The following DNAH9 variants were observed in gnomAD, a reference collection of about 807,000 sequenced individuals.
DNAH9 encodes dynein axonemal heavy chain 9, also known as DNAH9 variant protein.
Under a neutral mutation model 471.6 loss-of-function variants are expected in DNAH9, and 345 were observed. The observed-to-expected ratio is 0.73, with a 90% CI of 0.67 to 0.80. DNAH9 has a LOEUF of 0.80. DNAH9 is among the 30% of genes least tolerant of loss of function. The pLI, the probability that DNAH9 is intolerant of heterozygous loss-of-function variation, is 0.00. For synonymous variants in DNAH9, 2,093 were observed against 2,123.6 expected, an observed-to-expected ratio of 0.99 and a Z score of 0.40; for missense variants, 5,407 against 5,609.2, an observed-to-expected ratio of 0.96 and a Z score of 1.15.
At chr17:11,888,051 C>T (rs548432148) in intron 57 of DNAH9, among the ~76,000 whole-genome samples, 5 of 151,188 alleles carry the variant, frequency 3.3e-5, no homozygotes, top group African/African-American at 4.9e-5. Context: ...GGCGCGATCT[C>T]GGCTTACTGC....
rs1261468935 is a variant in DNAH9 at position 11,883,768 on chromosome 17, A to G, written c.10971+18A>G. The G allele has an allele frequency of 1.9e-6, 3 of 1,609,604 alleles. No individual in the cohort carries two copies. The highest frequency in any genetic ancestry group is 2.5e-6 in the Non-Finnish European group (3 of 1,178,168). ...AGAAAAAGGTAAAACTCCTCTGGCT[A>G]GTCTGGGAAGGCAGCCTAGGCTGGG... On this transcript the variant is annotated intron_variant, in intron 56 of 68. Coordinates refer to ENST00000262442, the MANE Select transcript of DNAH9 (RefSeq NM_001372.4).
At chr17:11,669,343 C>T (rs373794942) in intron 16 of DNAH9, 27 bp from the exon 17 acceptor site, 91 of 1,601,564 alleles carry the variant, frequency 5.7e-5, no homozygotes, top group Non-Finnish European at 7.6e-5. Flanking sequence ...CTGGTGTAAC[C>T]TGCCTGCCGT....
intron 43 of DNAH9, among the ~76,000 whole-genome samples, chr17:11,803,219 G>A (rs938539542): frequency 6.6e-6 from 1 of 151,994 alleles, no homozygotes; most frequent in Non-Finnish European, 1.5e-5. Flanking sequence ...CTTTTCCCCC[G>A]CTTTTGGCAT....
intron 66 of DNAH9, among the ~76,000 whole-genome samples, chr17:11,940,353 C>T (rs1188763125): frequency 8.5e-5 from 13 of 152,200 alleles, no homozygotes; most frequent in East Asian, 3.8e-4. Flanking sequence ...TGTGTCCCCA[C>T]GTCCTGTGTA....
chr17:11,818,804 A>G (rs1970201836), intron 45 of DNAH9, among the ~76,000 whole-genome samples: 1 of 151,914 alleles, frequency 6.6e-6, no homozygotes, highest in African/African-American at 2.4e-5. Context: ...CCTCAGTCTC[A>G]TCTTTTTCAT....
chr17:11,842,231 G>A (rs1194161408), intron 49 of DNAH9, among the ~76,000 whole-genome samples: 1 of 152,108 alleles, frequency 6.6e-6, no homozygotes, highest in Non-Finnish European at 1.5e-5. Flanking sequence ...TATTAATAGT[G>A]GTGTAAGATA....
intron 22 of DNAH9, among the ~76,000 whole-genome samples, chr17:11,698,804 A>C (rs1011302694): frequency 7.3e-5 from 11 of 151,022 alleles, no homozygotes; most frequent in African/African-American, 2.4e-4. Flanking sequence ...CTAGCACTAC[A>C]GCCCCAGGCA....
At chr17:11,683,930 T>C (rs971463608) in intron 19 of DNAH9, among the ~76,000 whole-genome samples, 5 of 152,250 alleles carry the variant, frequency 3.3e-5, no homozygotes, top group African/African-American at 9.6e-5. Flanking sequence ...TCTTAGTGGA[T>C]GTCAACTTAT....
intron 7 of DNAH9, among the ~76,000 whole-genome samples, chr17:11,631,506 G>A (rs1030229911): frequency 3.9e-5 from 6 of 152,122 alleles, no homozygotes; most frequent in East Asian, 1.9e-4. Flanking sequence ...ATAGCTGGGC[G>A]TGGTGGTGCA....
Position 11,745,405 on chromosome 17 carries a change from C to A in DNAH9, c.6399+321C>A, listed in dbSNP as rs1247146543. On this transcript the variant is annotated intron_variant, in intron 31 of 68. Transcript: ENST00000262442. ...GACAGAGGCCAAGATCTGGCCACAT[C>A]TACAGAACCTCCACTCAATCCTACT... Among the ~76,000 whole-genome samples the A allele has an allele frequency of 3.3e-5, 5 of 152,166 alleles. No homozygotes were observed. In the East Asian group the frequency reaches 9.7e-4, roughly 29 times the overall value.
intron 41 of DNAH9, among the ~76,000 whole-genome samples, chr17:11,788,604 A>G (rs1968955421): frequency 6.6e-6 from 1 of 152,200 alleles, no homozygotes; most frequent in South Asian, 2.1e-4. Context: ...TATAAATAGT[A>G]TAGCCAATAT....
rs536346387 is a variant in DNAH9, at chr17:11,706,060, G to A, written c.5552+875G>A. Among the ~76,000 whole-genome samples, 7 of 152,182 alleles carry A rather than the reference G, an allele frequency of 4.6e-5. No homozygotes were observed. In the South Asian group the frequency reaches 8.3e-4, roughly 18 times the overall value. ...AAGAACTCTTAAGTAAGTGAATAAT[G>A]TATTTTGCTTTCCAGGCATATTTAT... is the stretch of plus-strand genomic sequence containing the variant. On this transcript the variant is annotated intron_variant, in intron 26 of 68. Transcript: ENST00000262442.
At chr17:11,606,269 C>T (rs946761371) in intron 1 of DNAH9, among the ~76,000 whole-genome samples, 1 of 151,950 alleles carries the variant, frequency 6.6e-6, no homozygotes, top group Non-Finnish European at 1.5e-5. Context: ...TGATCATAAC[C>T]CAGCCAGTCA....
At chr17:11,890,471 G>T (rs1973013749) in intron 57 of DNAH9, among the ~76,000 whole-genome samples, 1 of 149,734 alleles carries the variant, frequency 6.7e-6, no homozygotes, top group African/African-American at 2.4e-5. Flanking sequence ...TTCCTACTTT[G>T]CAAATGAAGA....
chr17:11,963,271 C>T (rs1394939470), intron 68 of DNAH9, among the ~76,000 whole-genome samples: 3 of 151,984 alleles, frequency 2.0e-5, no homozygotes, highest in Non-Finnish European at 4.4e-5. Flanking sequence ...CCCATCTCTA[C>T]TAAAAATACA....
At position 11,694,506 on chromosome 17, in the gene DNAH9, G is replaced by A. The variant is rs1328439359; in HGVS notation, c.4872+59G>A. 4 of 1,588,922 alleles carry A rather than the reference G, an allele frequency of 2.5e-6. No homozygotes were observed. In the African/African-American group the frequency reaches 4.0e-5, roughly 16 times the overall value. On this transcript the variant is annotated intron_variant, in intron 22 of 68. Coordinates refer to ENST00000262442, the MANE Select transcript of DNAH9 (RefSeq NM_001372.4). ...GAGGGCTGAGGGGTGCCCAGCAGGA[G>A]GCAGTTTCTGGCTCCCCATCATGCC...
intron 61 of DNAH9, among the ~76,000 whole-genome samples, chr17:11,910,521 T>C (rs1013638887): frequency 1.3e-5 from 2 of 152,224 alleles, no homozygotes; most frequent in Non-Finnish European, 2.9e-5. Flanking sequence ...TGAACATTCA[T>C]GTAACAAGTT....
chr17:11,784,301 G>A lies in DNAH9; in HGVS notation c.7823G>A (p.Arg2608His), dbSNP rs766593497. 11 of 1,613,972 alleles carry A rather than the reference G, an allele frequency of 6.8e-6. No homozygotes were observed. The highest frequency in any genetic ancestry group is 3.3e-5 in the Admixed American group (2 of 60,006). The change falls in exon 41 of 69, where the codon CGT becomes CAT. Residue 2608 changes from arginine (R) to histidine (H), a missense_variant and splice_region_variant. By Grantham distance (29) the Arg-to-His change is conservative (BLOSUM62 0). Transcript: ENST00000262442. Reference protein sequence around the residue: ...GSFTINPRLQRHFSVFVLSFP... With the variant: ...GSFTINPRLQHHFSVFVLSFP... Reference sequence around the variant, plus strand: ...CTCATGCCTTTGTTTCCTGTACAGCGTCACTTCAGCGTGTTTGTCCTCTCC... The same window carrying A: ...CTCATGCCTTTGTTTCCTGTACAGCATCACTTCAGCGTGTTTGTCCTCTCC...
At chr17:11,885,074 C>T (rs1219342066) in intron 56 of DNAH9, among the ~76,000 whole-genome samples, 1 of 152,150 alleles carries the variant, frequency 6.6e-6, no homozygotes, top group African/African-American at 2.4e-5. Context: ...TGAACACTTA[C>T]TTGAAGGCCA....
Sources: allele counts gnomAD v4.1 joint callset (sites outside exome capture counted in the v4.1 genomes callset), GRCh38; gene constraint gnomAD v4.1.1; transcripts MANE v1.5; gene names NCBI Gene and HGNC (gene_info 2026-07-23, HGNC 2026-07-21).